Variants in ZNF704 observed in about 807,000 individuals in gnomAD.
ZNF704 encodes zinc finger protein 704, also known as glucocorticoid induced gene 1.
ZNF704 carries 10 observed loss-of-function variants against 44.7 expected under a neutral mutation model. The ratio of observed to expected loss-of-function variants is 0.22; its 90% CI spans 0.14 to 0.38. ZNF704 has a LOEUF of 0.38. Among genes scored for constraint, ZNF704 ranks in the 10% least tolerant of loss-of-function variants. The pLI is 1.00. For missense variants in ZNF704, 390 were observed against 545.5 expected (o/e 0.71, Z 2.84); for synonymous variants, 211 against 207.6 (o/e 1.02, Z -0.14).
At position 80,864,783 on chromosome 8, in the gene ZNF704, T is replaced by G. The variant is rs77192951; in HGVS notation, c.-22+9788A>C. Among the ~76,000 whole-genome samples the G allele has an allele frequency of 3.8e-3, 576 of 152,352 alleles. 2 individuals are homozygous for G. The highest frequency in any genetic ancestry group is 0.013 in the African/African-American group (544 of 41,584). ...CCATGCCTCAGAGATTCCAGCCACA[T>G]GCAAATTAGAGGTAGAAGGTGACAT... is the stretch of plus-strand genomic sequence containing the variant. On this transcript the variant is annotated intron_variant, in intron 1 of 8. Transcript: ENST00000327835.
At chr8:80,808,983 A>G (rs981390538) in intron 2 of ZNF704, among the ~76,000 whole-genome samples, 1 of 152,220 alleles carries the variant, frequency 6.6e-6, no homozygotes, top group Non-Finnish European at 1.5e-5. Flanking sequence ...TACAGTTTCT[A>G]CAAAGATTTG....
chr8:80,665,956 TTTTTA>T (rs1818184562), intron 5 of ZNF704, among the ~76,000 whole-genome samples: 2 of 146,012 alleles, frequency 1.4e-5, no homozygotes, highest in Non-Finnish European at 3.0e-5. Flanking sequence ...AGTTCTTTAT[TTTTTA>T]TTTATTTATT....
intron 1 of ZNF704, among the ~76,000 whole-genome samples, chr8:80,864,011 G>C (rs1306776422): frequency 6.6e-6 from 1 of 152,064 alleles, no homozygotes; most frequent in African/African-American, 2.4e-5. Context: ...CCCATCGTGG[G>C]TACTGATTTA....
At chr8:80,694,750 AT>A (rs1818698760) in intron 2 of ZNF704, among the ~76,000 whole-genome samples, 2 of 152,350 alleles carry the variant, frequency 1.3e-5, no homozygotes, top group African/African-American at 4.8e-5. Flanking sequence ...ATGTCCACCC[AT>A]GATACTAAAT....
intron 2 of ZNF704, chr8:80,776,593 T>G (rs1807414095): frequency 6.6e-6 from 1 of 152,328 alleles, no homozygotes; most frequent in East Asian, 1.9e-4. Context: ...CTTTAAAAAT[T>G]TGTTAATGTA....
In ZNF704 at chr8:80,635,566, A is replaced by G. The variant is rs570824132; in HGVS notation, c.*5800T>C. 3 of 152,310 alleles carry G rather than the reference A, an allele frequency of 2.0e-5. No homozygotes were observed. The South Asian group carries it at 6.2e-4, about 32-fold the overall frequency. The allele number at this position is 152,310 out of a possible 1,614,324, so 9.4% of individuals were successfully genotyped here. ...ACTATGATTTTAGAAATTTCCACCA[A>G]ATGATACTTGCTAGTTAAATGCAAG... On this transcript the variant is annotated 3_prime_UTR_variant, in exon 9 of 9. Transcript: ENST00000327835.
chr8:80,860,348 T>C (rs1192081661), intron 1 of ZNF704, among the ~76,000 whole-genome samples: 2 of 152,208 alleles, frequency 1.3e-5, no homozygotes, highest in Non-Finnish European at 2.9e-5. Context: ...CACTGGGTGA[T>C]GTGTGCCTGA....
At position 80,641,312 on chromosome 8, in the gene ZNF704, G is replaced by T; in HGVS notation, c.*54C>A. 8.4e-7 allele frequency: 1 copy of T among 1,189,498 alleles called. No homozygotes were observed. Among genetic ancestry groups the T allele is most frequent in the Non-Finnish European group, 1.2e-6 (1 of 864,908 alleles). 73.7% of individuals were successfully genotyped at this position (1,189,498 alleles called of 1,614,324 possible). A position where few individuals can be genotyped will look rare whatever the true frequency, so the allele number is the denominator to read the frequency against. On this transcript the variant is annotated 3_prime_UTR_variant, in exon 9 of 9. Transcript: ENST00000327835. ...AAAGCTCTTTCCAACACCTGCAGTGGCAGGCCAGGGCAGGAGCGGCTCAGG... is the reference window on the plus strand; with the variant it reads ...AAAGCTCTTTCCAACACCTGCAGTGTCAGGCCAGGGCAGGAGCGGCTCAGG...
intron 2 of ZNF704, among the ~76,000 whole-genome samples, chr8:80,811,421 T>C (rs1808080297): frequency 6.6e-6 from 1 of 152,182 alleles, no homozygotes; most frequent in African/African-American, 2.4e-5. Flanking sequence ...TTTTGGTGAC[T>C]AGAATGGTAT....
rs1817686520 is a variant in ZNF704 at position 80,637,891 on chromosome 8, T to G, written c.*3475A>C. The G allele has an allele frequency of 6.6e-6, 1 of 152,276 alleles. No homozygotes were observed. Among genetic ancestry groups the G allele is most frequent in the South Asian group, 2.1e-4 (1 of 4,832 alleles). 9.4% of individuals were successfully genotyped at this position (152,276 alleles called of 1,614,324 possible). A position where few individuals can be genotyped will look rare whatever the true frequency, so the allele number is the denominator to read the frequency against. On this transcript the variant is annotated 3_prime_UTR_variant, in exon 9 of 9. Transcript: ENST00000327835. ...TCTGCTAGAGATGGCCCGCTCAGGC[T>G]AGGCACAGCAGCCCTGCACTCTTGG...
intron 1 of ZNF704, among the ~76,000 whole-genome samples, chr8:80,823,862 G>A (rs1396952903): frequency 6.6e-6 from 1 of 152,208 alleles, no homozygotes; most frequent in East Asian, 1.9e-4. Context: ...TGAGAGTCCT[G>A]ACTGTTAGAA....
intron 2 of ZNF704, among the ~76,000 whole-genome samples, chr8:80,769,159 G>A (rs576200788): frequency 6.6e-6 from 1 of 152,248 alleles, no homozygotes; most frequent in East Asian, 1.9e-4. Flanking sequence ...GTGGAGTCTA[G>A]GAAAACTGCA....
rs1701266489 is a variant in ZNF704, at chr8:80,720,014, T to A, written c.222-26907A>T. Among the ~76,000 whole-genome samples the A allele has an allele frequency of 2.0e-5, 3 of 152,208 alleles. No homozygotes were observed. In the South Asian group the frequency reaches 6.2e-4, roughly 32 times the overall value. Reference sequence around the variant, plus strand: ...CGAGAAAAGTGAAGAGCTTTAAAGATGTTAATTTGTCCAAGGTCACACAGC... The same window carrying A: ...CGAGAAAAGTGAAGAGCTTTAAAGAAGTTAATTTGTCCAAGGTCACACAGC... On this transcript the variant is annotated intron_variant, in intron 2 of 8. Transcript: ENST00000327835.
chr8:80,796,135 A>AT (rs1807797468), intron 2 of ZNF704, among the ~76,000 whole-genome samples: 3 of 152,134 alleles, frequency 2.0e-5, no homozygotes, highest in Non-Finnish European at 4.4e-5. Context: ...TGGGTAATTC[A>AT]TTTTTTCAAA....
At chr8:80,801,794 G>T (rs376768653) in intron 2 of ZNF704, among the ~76,000 whole-genome samples, 52 of 151,990 alleles carry the variant, frequency 3.4e-4, no homozygotes, top group African/African-American at 1.3e-3. Flanking sequence ...AAACCCCAAC[G>T]CTAGCAGAAG....
At chr8:80,661,216 A>C (rs1818097302) in intron 6 of ZNF704, among the ~76,000 whole-genome samples, 1 of 152,326 alleles carries the variant, frequency 6.6e-6, no homozygotes, top group East Asian at 1.9e-4. Flanking sequence ...CTAATATCAG[A>C]AAAATGTGTA....
chr8:80,738,324 T>A (rs192305013), intron 2 of ZNF704, among the ~76,000 whole-genome samples: 2 of 152,346 alleles, frequency 1.3e-5, no homozygotes, highest in East Asian at 3.9e-4. Context: ...ACTCCTTCTC[T>A]ACCTCCTGGA....
At chr8:80,752,905 C>T (rs1455096898) in intron 2 of ZNF704, among the ~76,000 whole-genome samples, 1 of 152,202 alleles carries the variant, frequency 6.6e-6, no homozygotes, top group Non-Finnish European at 1.5e-5. Context: ...GTTCCATTTC[C>T]TTTCAGTTGC....
In ZNF704 at chr8:80,741,416, T is replaced by C. The variant is rs139363318; in HGVS notation, c.222-48309A>G. Among the ~76,000 whole-genome samples the C allele has an allele frequency of 5.8e-4, 89 of 152,220 alleles. 1 individual carries two copies. The highest frequency in any genetic ancestry group is 8.8e-5 in the Non-Finnish European group (6 of 68,022). ...GCTTGCAACCTGTGGCATACTTGAG[T>C]AAGAAAATTGATGTAGTGGCAAAGG... is the stretch of plus-strand genomic sequence containing the variant. On this transcript the variant is annotated intron_variant, in intron 2 of 8. Transcript: ENST00000327835.
Sources: allele counts gnomAD v4.1 joint callset (sites outside exome capture counted in the v4.1 genomes callset), GRCh38; gene constraint gnomAD v4.1.1; transcripts MANE v1.5; gene names NCBI Gene and HGNC (gene_info 2026-07-23, HGNC 2026-07-21).